Variants in CGNL1 observed in about 807,000 individuals in gnomAD.
CGNL1 encodes the protein cingulin like 1, also known as cingulin-like protein 1.
CGNL1 carries 132 observed loss-of-function variants against 141.2 expected under a neutral mutation model. The ratio of observed to expected loss-of-function variants is 0.93; its 90% CI spans 0.81 to 1.08. The LOEUF (loss-of-function observed/expected upper bound fraction) is 1.08, where lower values mean the gene tolerates loss of function less well. Among genes scored for constraint, CGNL1 ranks in the 50% least tolerant of loss-of-function variants. The pLI, the probability that CGNL1 is intolerant of heterozygous loss-of-function variation, is 0.00. For missense variants in CGNL1, 1,870 were observed against 1,588.6 expected (o/e 1.18, Z -3.01); for synonymous variants, 690 against 622.1 (o/e 1.11, Z -1.63).
chr15:57,439,146 A>C lies in CGNL1; in HGVS notation c.1147A>C (p.Arg383=). 1 of 1,614,210 alleles carries C rather than the reference A, an allele frequency of 6.2e-7. No homozygotes were observed. The highest frequency in any genetic ancestry group is 2.2e-5 in the East Asian group (1 of 44,884). Residue 383 remains arginine, a synonymous_variant, in exon 2 of 19, where the codon AGG becomes CGG. Coordinates refer to ENST00000281282, the MANE Select transcript of CGNL1 (RefSeq NM_032866.5). ...GCGAAACAGAATTAATACAGATGAC[A>C]GGAAAAGATCCAGAAGCGTGGATAG... ...GKRNRINTDD[R]KRSRSVDSAF...
chr15:57,516,936 G>A lies in CGNL1; in HGVS notation c.2560G>A (p.Asp854Asn). 2 of 1,613,598 alleles carry A rather than the reference G, an allele frequency of 1.2e-6. No individual in the cohort carries two copies. The highest frequency in any genetic ancestry group is 8.5e-7 in the Non-Finnish European group (1 of 1,180,036). ...RVAQLQRQIE[D>N]LKGDEAKAKE... ...TGCTCAGCTTCAAAGGCAGATCGAG[G>A]ACCTGAAAGGCGATGAAGCCAAGGC... Residue 854 changes from aspartate to asparagine, a missense_variant, in exon 9 of 19, where the codon GAC becomes AAC. Asp to Asn is a conservative substitution (Grantham distance 23, BLOSUM62 1). Transcript: ENST00000281282.
chr15:57,453,853 G>C (rs1595720665), intron 7 of CGNL1, 35 bp downstream of exon 7: 1 of 1,608,456 alleles, frequency 6.2e-7, no homozygotes, highest in South Asian at 1.1e-5. Flanking sequence ...GATAAGACAG[G>C]CCCCACCTGC....
intron 1 of CGNL1, among the ~76,000 whole-genome samples, chr15:57,425,007 A>G (rs1372539266): frequency 6.6e-6 from 1 of 152,200 alleles, no homozygotes; most frequent in Admixed American, 6.5e-5. Context: ...ATCGTTTTAT[A>G]TTTGTACATT....
intron 18 of CGNL1, among the ~76,000 whole-genome samples, chr15:57,546,518 C>T (rs2032877422): frequency 6.6e-6 from 1 of 152,172 alleles, no homozygotes; most frequent in Admixed American, 6.5e-5. Context: ...AGGCTTAGGG[C>T]AGATAAGACT....
intron 1 of CGNL1, among the ~76,000 whole-genome samples, chr15:57,396,361 A>C (rs2062602782): frequency 6.8e-6 from 1 of 146,532 alleles, no homozygotes; most frequent in South Asian, 2.1e-4. Context: ...TGCAACCTCC[A>C]CCTCTGGGTT....
At chr15:57,511,183 T>C (rs576823943) in intron 8 of CGNL1, among the ~76,000 whole-genome samples, 2 of 152,230 alleles carry the variant, frequency 1.3e-5, no homozygotes, top group Non-Finnish European at 2.9e-5. Context: ...AGCCCCAGTT[T>C]CCTGCCTCAT....
At chr15:57,491,841 T>C (rs2063867892) in intron 8 of CGNL1, among the ~76,000 whole-genome samples, 2 of 152,246 alleles carry the variant, frequency 1.3e-5, no homozygotes, top group East Asian at 3.9e-4. Context: ...ATGCAAATAG[T>C]ACTGGGACCA....
intron 1 of CGNL1, among the ~76,000 whole-genome samples, chr15:57,391,872 A>G (rs1305673587): frequency 6.6e-6 from 1 of 152,088 alleles, no homozygotes; most frequent in East Asian, 1.9e-4. Context: ...AGTGATGTCC[A>G]CAGGCAGGAA....
At chr15:57,517,146 C>T (rs1026949824) in intron 9 of CGNL1, among the ~76,000 whole-genome samples, 160 bp downstream of exon 9, 2 of 152,146 alleles carry the variant, frequency 1.3e-5, no homozygotes, top group East Asian at 1.9e-4. Context: ...TCTTTGTTCC[C>T]CTGGGAGTGG....
intron 8 of CGNL1, among the ~76,000 whole-genome samples, chr15:57,493,632 G>A (rs1308137952): frequency 1.3e-5 from 2 of 152,170 alleles, no homozygotes; most frequent in Non-Finnish European, 2.9e-5. Flanking sequence ...AGACGCATGA[G>A]TTAGTAGGAC....
chr15:57,512,385 G>A (rs550107796), intron 8 of CGNL1, among the ~76,000 whole-genome samples: 2 of 152,264 alleles, frequency 1.3e-5, no homozygotes, highest in East Asian at 1.9e-4. Context: ...CTGGCCATGT[G>A]GGGGTGTGGG....
intron 1 of CGNL1, among the ~76,000 whole-genome samples, chr15:57,403,934 C>T (rs1879794574): frequency 1.3e-5 from 2 of 152,208 alleles, no homozygotes; most frequent in African/African-American, 4.8e-5. Context: ...CCAAGCCTTC[C>T]ATAGAGGAAA....
At chr15:57,445,933 C>G (rs1739042613) in intron 4 of CGNL1, among the ~76,000 whole-genome samples, 1 of 152,152 alleles carries the variant, frequency 6.6e-6, no homozygotes, top group Non-Finnish European at 1.5e-5. Context: ...TTGTAATAGA[C>G]TCTCTTCAAT....
In CGNL1 at chr15:57,511,943, T is replaced by G. The variant is rs148652226; in HGVS notation, c.2404-4837T>G. On this transcript the variant is annotated intron_variant, in intron 8 of 18. Coordinates refer to ENST00000281282, the MANE Select transcript of CGNL1 (RefSeq NM_032866.5). ...TTTTTGGTTTTATTTATGATGGTGC[T>G]TCCTCTCTAATATTGTTATAACATA... is the stretch of plus-strand genomic sequence containing the variant. Among the ~76,000 whole-genome samples the G allele has an allele frequency of 6.4e-3, 982 of 152,380 alleles. 11 individuals carry two copies. The highest frequency in any genetic ancestry group is 0.022 in the African/African-American group (923 of 41,582).
chr15:57,394,417 G>A (rs548831514), intron 1 of CGNL1, among the ~76,000 whole-genome samples: 3 of 152,204 alleles, frequency 2.0e-5, no homozygotes, highest in East Asian at 3.9e-4. Flanking sequence ...GAACCACCAT[G>A]CCCGGCTTAT....
At position 57,439,118 on chromosome 15, in the gene CGNL1, G is replaced by A. The variant is rs753744890; in HGVS notation, c.1119G>A (p.Gly373=). 9 of 1,614,180 alleles carry A rather than the reference G, an allele frequency of 5.6e-6. No homozygotes were observed. The highest frequency in any genetic ancestry group is 2.5e-6 in the Non-Finnish European group (3 of 1,180,040). ...GGCTTCAGAGAAGAGGAAGGTCTGG[G>A]AAGCGAAACAGAATTAATACAGATG... The part of the protein sequence containing the change: ...KPGLQRRGRS[G]KRNRINTDDR... Residue 373 remains glycine, a synonymous_variant, in exon 2 of 19, where the codon GGG becomes GGA. Coordinates refer to ENST00000281282, the MANE Select transcript of CGNL1 (RefSeq NM_032866.5).
intron 8 of CGNL1, among the ~76,000 whole-genome samples, chr15:57,502,239 C>G (rs1325284872): frequency 3.9e-5 from 6 of 152,126 alleles, no homozygotes; most frequent in African/African-American, 1.4e-4. Flanking sequence ...GAAGGACACA[C>G]TAAACCATCC....
intron 8 of CGNL1, among the ~76,000 whole-genome samples, chr15:57,482,788 TC>T (rs2063741356): frequency 3.4e-5 from 5 of 149,108 alleles, no homozygotes; most frequent in African/African-American, 7.6e-5. Context: ...TTCTTTTCTC[TC>T]TTTTTTTTTT....
rs184355333 is a variant in CGNL1 at position 57,549,722 on chromosome 15, G to T, written c.*2232G>T. 6.6e-6 allele frequency: 1 copy of T among 152,342 alleles called. No homozygotes were observed. Among genetic ancestry groups the T allele is most frequent in the African/African-American group, 2.4e-5 (1 of 41,556 alleles). 9.4% of individuals were successfully genotyped at this position (152,342 alleles called of 1,614,324 possible). ...CTCCTGGAGCTCAGTGTCAGGAAAG[G>T]GGGTGATAAATGACAATCAAATCGA... On this transcript the variant is annotated 3_prime_UTR_variant, in exon 19 of 19. Transcript: ENST00000281282.
Sources: gnomAD v4.1 joint callset for allele counts (sites outside exome capture counted in the v4.1 genomes callset) on GRCh38, gnomAD v4.1.1 for gene constraint, MANE v1.5 for transcripts, NCBI Gene and HGNC (gene_info 2026-07-23, HGNC 2026-07-21) for gene names.